RALGPS1: variants seen among roughly 807,000 people sequenced by gnomAD.
RALGPS1 encodes ras-specific guanine nucleotide-releasing factor RalGPS1.
Under a neutral mutation model 78.8 loss-of-function variants are expected in RALGPS1, and 19 were observed. The ratio of observed to expected loss-of-function variants is 0.24; its 90% CI spans 0.17 to 0.35. The LOEUF (loss-of-function observed/expected upper bound fraction) is 0.35. Ranked by LOEUF, RALGPS1 falls within the 10% of genes least tolerant of loss-of-function variation. RALGPS1 has a pLI of 1.00. For missense variants in RALGPS1, 454 were observed against 688.3 expected, an observed-to-expected ratio of 0.66 and a Z score of 3.81; for synonymous variants, 228 against 256.3, an observed-to-expected ratio of 0.89 and a Z score of 1.06.
At chr9:127,178,408 A>C (rs1281956874) in intron 11 of RALGPS1, 2 of 997,556 alleles carry the variant, frequency 2.0e-6, no homozygotes, top group African/African-American at 1.7e-5. Flanking sequence ...TAAAGTGGGC[A>C]TAAAATCTTC....
chr9:126,942,902 T>A (rs1171167632), intron 1 of RALGPS1, among the ~76,000 whole-genome samples: 2 of 152,204 alleles, frequency 1.3e-5, no homozygotes, highest in Non-Finnish European at 2.9e-5. Flanking sequence ...TTTTTGTACA[T>A]TTCTTTTAAA....
intron 6 of RALGPS1, 132 bp from the exon 7 acceptor site, chr9:127,052,715 A>G: frequency 1.5e-6 from 1 of 648,654 alleles, no homozygotes; most frequent in East Asian, 2.7e-5. Context: ...AAATCCTTAG[A>G]ACTATGTTTT....
At chr9:127,108,113 C>T (rs779672736) in intron 8 of RALGPS1, 1 of 1,613,236 alleles carries the variant, frequency 6.2e-7, no homozygotes, top group South Asian at 1.1e-5. Context: ...GCCGAGGGCA[C>T]CCTCTGGCAG....
At chr9:127,109,237 G>A (rs540469865) in intron 8 of RALGPS1, among the ~76,000 whole-genome samples, 1 of 152,190 alleles carries the variant, frequency 6.6e-6, no homozygotes, top group African/African-American at 2.4e-5. Context: ...CTTTCCCCTT[G>A]TAATACCCAT....
chr9:127,194,975 TG>T, intron 11 of RALGPS1, 115 bp from the exon 12 acceptor site: 2 of 1,274,572 alleles, frequency 1.6e-6, no homozygotes, highest in Non-Finnish European at 2.2e-6. Context: ...CTGTGACAGC[TG>T]GGCCAGTTGC....
intron 4 of RALGPS1, among the ~76,000 whole-genome samples, chr9:126,981,687 T>C (rs1389356017): frequency 6.6e-6 from 1 of 152,228 alleles, no homozygotes; most frequent in East Asian, 1.9e-4. Context: ...GTTATTGTCT[T>C]TGTTTTATAT....
intron 3 of RALGPS1, among the ~76,000 whole-genome samples, chr9:126,970,226 C>T (rs1240137104): frequency 1.3e-5 from 2 of 152,100 alleles, no homozygotes; most frequent in African/African-American, 2.4e-5. Context: ...GACAAGTTAT[C>T]GTCATCACCC....
rs1050842533 is a variant in RALGPS1, at chr9:127,211,688, C to T, written c.1248-443C>T. On this transcript the variant is annotated intron_variant, in intron 14 of 18. Coordinates refer to ENST00000259351, the MANE Select transcript of RALGPS1 (RefSeq NM_014636.3). The surrounding 1 kb of genome is among the most constrained non-coding windows in gnomAD (Gnocchi z 5.0). ...GTGTGGGCTCGCGTCCCTCCTGTCC[C>T]TCCACACCACCTCTTCCCTTCCTCG... is the stretch of plus-strand genomic sequence containing the variant. Among the ~76,000 whole-genome samples the T allele has an allele frequency of 2.0e-5, 3 of 152,110 alleles. No individual in the cohort carries two copies. Among genetic ancestry groups the T allele is most frequent in the African/African-American group, 7.2e-5 (3 of 41,414 alleles).
Position 127,091,789 on chromosome 9 carries a change from G to T in RALGPS1, c.610+22433G>T. 6.2e-7 allele frequency: 1 copy of T among 1,614,154 alleles called. No individual in the cohort carries two copies. The highest frequency in any genetic ancestry group is 1.3e-5 in the African/African-American group (1 of 75,028). ...CCGCAGCTTATAATACTCGCTCTCA[G>T]GTTCCAGGCGGAAACTGGCGTATTC... is the stretch of plus-strand genomic sequence containing the variant. On this transcript the variant is annotated intron_variant, in intron 8 of 18. Transcript: ENST00000259351. The surrounding 1 kb of genome is among the most constrained non-coding windows in gnomAD (Gnocchi z 4.3).
intron 8 of RALGPS1, among the ~76,000 whole-genome samples, chr9:127,123,488 C>A (rs2056351340): frequency 6.6e-6 from 1 of 152,128 alleles, no homozygotes; most frequent in African/African-American, 2.4e-5. Context: ...AGGACGCCTC[C>A]TTGAACTGAG....
At chr9:127,140,347 C>G (rs2138628286) in intron 8 of RALGPS1, among the ~76,000 whole-genome samples, 1 of 152,332 alleles carries the variant, frequency 6.6e-6, no homozygotes, top group East Asian at 1.9e-4. Context: ...AAAATGATAG[C>G]TCTGATTATT....
intron 8 of RALGPS1, among the ~76,000 whole-genome samples, chr9:127,155,542 T>C (rs974825651): frequency 5.9e-5 from 9 of 152,150 alleles, no homozygotes; most frequent in African/African-American, 2.2e-4. Context: ...AAAGGTAGTG[T>C]GGGGCAGAGC....
chr9:127,196,447 C>T, intron 12 of RALGPS1, 27 bp from the exon 13 acceptor site: 1 of 1,596,466 alleles, frequency 6.3e-7, no homozygotes, highest in Non-Finnish European at 8.6e-7. Context: ...AGGAGCTTTG[C>T]CTTCTTTCTT....
At chr9:127,191,610 T>TG (rs2061037508) in intron 11 of RALGPS1, among the ~76,000 whole-genome samples, 1 of 152,206 alleles carries the variant, frequency 6.6e-6, no homozygotes, top group Admixed American at 6.5e-5. Context: ...GGGCAAGTCT[T>TG]GCACTGTTTT....
At chr9:127,013,239 G>A (rs568514327) in intron 4 of RALGPS1, among the ~76,000 whole-genome samples, 159 of 152,290 alleles carry the variant, frequency 1.0e-3, no homozygotes, top group African/African-American at 3.8e-3. Context: ...AAGTAAGACT[G>A]GAGAATAGAG....
chr9:127,158,520 CTG>C (rs1281762897), intron 8 of RALGPS1, among the ~76,000 whole-genome samples: 1 of 152,134 alleles, frequency 6.6e-6, no homozygotes, highest in East Asian at 1.9e-4. Flanking sequence ...TATTGTTCAT[CTG>C]TGTCTTTTTC....
At chr9:126,932,208 C>G (rs752333217) in intron 1 of RALGPS1, among the ~76,000 whole-genome samples, 1 of 152,106 alleles carries the variant, frequency 6.6e-6, no homozygotes, top group African/African-American at 2.4e-5. Flanking sequence ...ATCTTTCTTA[C>G]TAGAATGGCT....
chr9:126,980,257 A>G (rs1293425291), intron 4 of RALGPS1, among the ~76,000 whole-genome samples: 1 of 152,160 alleles, frequency 6.6e-6, no homozygotes, highest in Non-Finnish European at 1.5e-5. Flanking sequence ...ATAAAGTACA[A>G]TTTTAAGTAT....
intron 8 of RALGPS1, among the ~76,000 whole-genome samples, chr9:127,095,406 AAAAT>A (rs1033399224): frequency 1.3e-5 from 2 of 152,040 alleles, no homozygotes; most frequent in African/African-American, 2.4e-5. Flanking sequence ...CCGTCTCAAA[AAAAT>A]AAATAAATAA....
Sources: gnomAD v4.1 joint callset for allele counts (sites outside exome capture counted in the v4.1 genomes callset) on GRCh38, gnomAD v4.1.1 for gene constraint, Gnocchi (gnomAD v3.1) non-coding constraint, MANE v1.5 for transcripts, NCBI Gene and HGNC (gene_info 2026-07-23, HGNC 2026-07-21) for gene names.